Variants in FAM13B observed in about 807,000 individuals in gnomAD.
FAM13B encodes the protein family with sequence similarity 13 member B, also known as protein FAM13B.
A neutral mutation model predicts 117.3 loss-of-function variants in FAM13B; 60 were observed. That is an observed-to-expected ratio of 0.51 (90% confidence interval 0.42 to 0.63). The LOEUF is 0.63. Among genes scored for constraint, FAM13B ranks in the 30% least tolerant of loss-of-function variants. FAM13B has a pLI of 0.00. For synonymous variants in FAM13B, 332 were observed against 356.1 expected (o/e 0.93, Z 0.76); for missense variants, 972 against 1,091.9 (o/e 0.89, Z 1.55).
chr5:138,002,096 A>ATATAAT (rs1491346232), intron 7 of FAM13B, among the ~76,000 whole-genome samples: 6 of 152,230 alleles, frequency 3.9e-5, no homozygotes, highest in African/African-American at 1.4e-4. Context: ...GAGAAAAATA[A>ATATAAT]TATAATAAAT....
chr5:138,044,483 C>T (rs1302274247), intron 1 of FAM13B, among the ~76,000 whole-genome samples: 4 of 147,122 alleles, frequency 2.7e-5, no homozygotes, highest in Non-Finnish European at 4.5e-5. Flanking sequence ...ACCCAGGGGG[C>T]GGAGGTTGCA....
intron 10 of FAM13B, among the ~76,000 whole-genome samples, chr5:137,969,032 G>A (rs1771102957): frequency 6.6e-6 from 1 of 152,200 alleles, no homozygotes; most frequent in African/African-American, 2.4e-5. Context: ...GAGGCTGGGG[G>A]AAGGGTGCCC....
At chr5:138,026,347 C>T (rs1249764978) in intron 1 of FAM13B, among the ~76,000 whole-genome samples, 1 of 152,068 alleles carries the variant, frequency 6.6e-6, no homozygotes, top group African/African-American at 2.4e-5. Context: ...AAAAAGAGGC[C>T]AGGCATGATG....
intron 14 of FAM13B, among the ~76,000 whole-genome samples, chr5:137,954,775 CT>C (rs1388549026): frequency 6.6e-6 from 1 of 152,056 alleles, no homozygotes; most frequent in Non-Finnish European, 1.5e-5. Flanking sequence ...GCCACTACGC[CT>C]GACTAATTTT....
At chr5:138,027,698 C>T (rs1340228265) in intron 1 of FAM13B, among the ~76,000 whole-genome samples, 2 of 152,230 alleles carry the variant, frequency 1.3e-5, no homozygotes, top group Non-Finnish European at 2.9e-5. Context: ...ATAGACGCTA[C>T]TTTGATCAGT....
At chr5:137,950,407 A>G (rs1406046256) in intron 17 of FAM13B, among the ~76,000 whole-genome samples, 2 of 152,332 alleles carry the variant, frequency 1.3e-5, no homozygotes, top group East Asian at 3.9e-4. Flanking sequence ...TGAGGAACAG[A>G]AAAGAGATGA....
Position 137,988,353 on chromosome 5 carries a change from A to G in FAM13B, c.849-38T>C, listed in dbSNP as rs769365279. ...AAAGAAATTAGCTATAAAAATGTTCAATACTTAATAACTACAAAATGTGCT... is the reference window on the plus strand; with the variant it reads ...AAAGAAATTAGCTATAAAAATGTTCGATACTTAATAACTACAAAATGTGCT... On this transcript the variant is annotated intron_variant, in intron 7 of 23. Coordinates refer to ENST00000689681, the MANE Select transcript of FAM13B (RefSeq NM_001385994.1). 4.0e-6 allele frequency: 6 copies of G among 1,513,942 alleles called. No individual in the cohort carries two copies. In the Admixed American group the frequency reaches 1.1e-4, roughly 28 times the overall value. 93.8% of individuals were successfully genotyped at this position (1,513,942 alleles called of 1,614,324 possible). A position where few individuals can be genotyped will look rare whatever the true frequency, so the allele number is the denominator to read the frequency against.
intron 10 of FAM13B, among the ~76,000 whole-genome samples, chr5:137,963,377 A>C (rs1459915738): frequency 6.6e-6 from 1 of 152,236 alleles, no homozygotes; most frequent in Non-Finnish European, 1.5e-5. Flanking sequence ...TCAAACTTAA[A>C]AAATTTTATG....
chr5:137,957,911 G>C (rs910177610), intron 13 of FAM13B, among the ~76,000 whole-genome samples: 3 of 152,214 alleles, frequency 2.0e-5, no homozygotes, highest in Non-Finnish European at 4.4e-5. Flanking sequence ...CTCTTTCAGG[G>C]AGACTCAAGA....
chr5:137,952,668 T>C lies in FAM13B; in HGVS notation c.1890A>G (p.Lys630=). Residue 630 remains lysine, a synonymous_variant, in exon 17 of 24, where the codon AAA becomes AAG. Transcript: ENST00000689681. The part of the protein sequence containing the change: ...SDIAANPKVL[K]WMTELTKLRK... ...GCAGTTTTGTAAGCTCTGTCATCCA[T>C]TTTAATACCTTTGGATTGGCAGCAA... 1 of 1,606,438 alleles carries C rather than the reference T, an allele frequency of 6.2e-7. No individual in the cohort carries two copies. Among genetic ancestry groups the C allele is most frequent in the South Asian group, 1.1e-5 (1 of 89,652 alleles).
chr5:137,940,483 AAG>A, intron 23 of FAM13B, 135 bp from the exon 24 acceptor site: 33 of 632,138 alleles, frequency 5.2e-5, no homozygotes, highest in Non-Finnish European at 7.5e-5. Flanking sequence ...AAAAAAAAAA[AAG>A]GTTATTGAAC....
chr5:138,041,629 TATTA>T (rs1443862920), intron 1 of FAM13B, among the ~76,000 whole-genome samples: 1 of 152,156 alleles, frequency 6.6e-6, no homozygotes, highest in Non-Finnish European at 1.5e-5. Flanking sequence ...AGTGTAAATA[TATTA>T]ATTCCTAATT....
At position 138,019,974 on chromosome 5, in the gene FAM13B, C is replaced by T. The variant is rs926513648; in HGVS notation, c.-35-828G>A. On this transcript the variant is annotated intron_variant, in intron 2 of 23. Coordinates refer to ENST00000689681, the MANE Select transcript of FAM13B (RefSeq NM_001385994.1). ...GATTACAGGCGTTAGCCACCGCACC[C>T]GGCCTGTAATACATTTTTATAAAAA... is the stretch of plus-strand genomic sequence containing the variant. The T allele has an allele frequency of 5.4e-5, 53 of 974,900 alleles. No individual in the cohort carries two copies. In the Middle Eastern group the frequency reaches 1.6e-3, roughly 29 times the overall value. The allele number at this position is 974,900 out of a possible 1,614,324, so 60.4% of individuals were successfully genotyped here. A position where few individuals can be genotyped will look rare whatever the true frequency, so the allele number is the denominator to read the frequency against.
chr5:138,035,187 A>AT (rs1163665597), upstream of FAM13B, among the ~76,000 whole-genome samples: 2 of 150,202 alleles, frequency 1.3e-5, no homozygotes, highest in Non-Finnish European at 3.0e-5. Flanking sequence ...TAATTTTAAA[A>AT]TTTTTTTAGA....
chr5:137,938,695 G>A lies in FAM13B; in HGVS notation c.*1530C>T, dbSNP rs1760832093. ...ATTGCACACACGGGTGAAATGTGAA[G>A]TACTAGAACTGCTATTTATTATCAA... On this transcript the variant is annotated 3_prime_UTR_variant, in exon 24 of 24. Transcript: ENST00000689681. 1 of 151,610 alleles carries A rather than the reference G, an allele frequency of 6.6e-6. No individual in the cohort carries two copies. 9.4% of individuals were successfully genotyped at this position (151,610 alleles called of 1,614,324 possible).
intron 13 of FAM13B, among the ~76,000 whole-genome samples, 169 bp downstream of exon 13, chr5:137,959,447 T>C (rs1767518145): frequency 6.6e-6 from 1 of 152,194 alleles, no homozygotes; most frequent in South Asian, 2.1e-4. Context: ...CCCCAAAATC[T>C]CAGTGTGTTT....
intron 1 of FAM13B, among the ~76,000 whole-genome samples, chr5:138,042,279 G>A (rs1246492208): frequency 6.6e-6 from 1 of 152,172 alleles, no homozygotes; most frequent in Non-Finnish European, 1.5e-5. Flanking sequence ...GTTAAAAACA[G>A]TTCAAAAGCA....
At chr5:137,951,864 C>T (rs1303065326) in intron 17 of FAM13B, among the ~76,000 whole-genome samples, 3 of 151,842 alleles carry the variant, frequency 2.0e-5, no homozygotes, top group Non-Finnish European at 4.4e-5. Flanking sequence ...GTAATCCCAG[C>T]TACTCGGGAG....
At chr5:137,975,753 T>C (rs1773725140) in intron 10 of FAM13B, among the ~76,000 whole-genome samples, 1 of 152,100 alleles carries the variant, frequency 6.6e-6, no homozygotes, top group African/African-American at 2.4e-5. Flanking sequence ...ACTTGCACAC[T>C]GAATCACCTT....
Sources: allele counts gnomAD v4.1 joint callset (sites outside exome capture counted in the v4.1 genomes callset), GRCh38; gene constraint gnomAD v4.1.1; transcripts MANE v1.5; gene names NCBI Gene and HGNC (gene_info 2026-07-23, HGNC 2026-07-21).